Variants in KCNH7 observed in about 807,000 individuals in gnomAD.
KCNH7 encodes the protein voltage-gated inwardly rectifying potassium channel KCNH7.
In KCNH7, 49 loss-of-function variants were observed where a neutral mutation model predicts 120.8. The ratio of observed to expected loss-of-function variants is 0.41; its 90% CI spans 0.32 to 0.51. KCNH7 has a LOEUF of 0.51. Among genes scored for constraint, KCNH7 ranks in the 20% least tolerant of loss-of-function variants. The pLI, the probability that KCNH7 is intolerant of heterozygous loss-of-function variation, is 0.38. For synonymous variants in KCNH7, 547 were observed against 516.1 expected (o/e 1.06, Z -0.81); for missense variants, 1,097 against 1,446.6 (o/e 0.76, Z 3.92).
chr2:162,586,861 C>G (rs1429268721), intron 2 of KCNH7, among the ~76,000 whole-genome samples: 1 of 151,940 alleles, frequency 6.6e-6, no homozygotes, highest in African/African-American at 2.4e-5. Flanking sequence ...GTCAACTTTA[C>G]ATGTAAAGTT....
chr2:162,597,254 G>A (rs1694408249), intron 2 of KCNH7, among the ~76,000 whole-genome samples: 1 of 151,936 alleles, frequency 6.6e-6, no homozygotes, highest in Non-Finnish European at 1.5e-5. Context: ...CCATGTTCAT[G>A]GCAGCATTAT....
intron 2 of KCNH7, among the ~76,000 whole-genome samples, chr2:162,641,551 T>C (rs531540698): frequency 8.2e-5 from 12 of 145,564 alleles, no homozygotes; most frequent in African/African-American, 3.0e-4. Context: ...CTTCTCTGTA[T>C]TTAAAAAAAA....
chr2:162,628,584 C>T (rs1241901694), intron 2 of KCNH7, among the ~76,000 whole-genome samples: 1 of 152,058 alleles, frequency 6.6e-6, no homozygotes, highest in African/African-American at 2.4e-5. Context: ...CTGATCCTCT[C>T]CTTCATCCCA....
chr2:162,807,876 G>A (rs932644915), intron 2 of KCNH7, among the ~76,000 whole-genome samples: 3 of 152,002 alleles, frequency 2.0e-5, no homozygotes, highest in Admixed American at 1.3e-4. Context: ...AGAGACGGGT[G>A]TTTCACTATA....
chr2:162,715,973 T>C (rs936653063), intron 2 of KCNH7, among the ~76,000 whole-genome samples: 2 of 151,614 alleles, frequency 1.3e-5, no homozygotes, highest in Non-Finnish European at 2.9e-5. Flanking sequence ...TGTGTGTGTG[T>C]GTGTGCACAC....
chr2:162,596,598 C>G (rs1308615796), intron 2 of KCNH7, among the ~76,000 whole-genome samples: 1 of 152,014 alleles, frequency 6.6e-6, no homozygotes, highest in Non-Finnish European at 1.5e-5. Flanking sequence ...AAGCTATAAA[C>G]TTCTAGAAGA....
At chr2:162,651,635 G>A (rs1366710602) in intron 2 of KCNH7, among the ~76,000 whole-genome samples, 4 of 152,034 alleles carry the variant, frequency 2.6e-5, no homozygotes, top group Non-Finnish European at 5.9e-5. Context: ...CCATGTCTTT[G>A]CTATTGTGAA....
chr2:162,545,103 A>G (rs893083817), intron 2 of KCNH7, among the ~76,000 whole-genome samples: 2 of 152,144 alleles, frequency 1.3e-5, no homozygotes, highest in African/African-American at 2.4e-5. Context: ...CCTGTCCTGC[A>G]TTCATCTTTC....
chr2:162,569,123 C>T (rs1312660078), intron 2 of KCNH7, among the ~76,000 whole-genome samples: 1 of 152,000 alleles, frequency 6.6e-6, no homozygotes, highest in Non-Finnish European at 1.5e-5. Flanking sequence ...CCTCCTTGCA[C>T]CTCTGGTAGA....
chr2:162,797,088 G>C (rs541992092), intron 2 of KCNH7: 1 of 152,018 alleles, frequency 6.6e-6, no homozygotes, highest in African/African-American at 2.4e-5. Flanking sequence ...TTGTTGCAAG[G>C]CATAATTGGT....
At chr2:162,398,432 C>T (rs1686977734) in intron 10 of KCNH7, among the ~76,000 whole-genome samples, 1 of 151,700 alleles carries the variant, frequency 6.6e-6, no homozygotes, top group Non-Finnish European at 1.5e-5. Context: ...TATGTATCAG[C>T]CTTCCAAAAA....
intron 2 of KCNH7, among the ~76,000 whole-genome samples, chr2:162,609,822 G>A (rs563823562): frequency 1.6e-4 from 24 of 152,240 alleles, no homozygotes; most frequent in African/African-American, 5.3e-4. Flanking sequence ...GGAGGGGCAG[G>A]AAAAGGGTCT....
At chr2:162,530,208 A>G (rs1020960013) in intron 3 of KCNH7, among the ~76,000 whole-genome samples, 4 of 151,994 alleles carry the variant, frequency 2.6e-5, no homozygotes. Context: ...ATGTATCATA[A>G]TGCCTTTTTA....
intron 2 of KCNH7, among the ~76,000 whole-genome samples, chr2:162,811,120 C>T (rs767028410): frequency 3.3e-5 from 5 of 151,902 alleles, no homozygotes; most frequent in Non-Finnish European, 7.4e-5. Context: ...GTCTTATGTC[C>T]CTTTGCCCTC....
At chr2:162,536,107 T>C (rs1692098470) in intron 3 of KCNH7, among the ~76,000 whole-genome samples, 2 of 151,916 alleles carry the variant, frequency 1.3e-5, no homozygotes, top group Admixed American at 6.6e-5. Flanking sequence ...AAAGCTTTTC[T>C]AATTATGTCT....
intron 2 of KCNH7, among the ~76,000 whole-genome samples, chr2:162,545,366 C>A (rs1002511529): frequency 5.9e-5 from 9 of 152,146 alleles, no homozygotes; most frequent in Non-Finnish European, 1.5e-5. Context: ...TGGAATGTCA[C>A]TGGGAAACAC....
intron 2 of KCNH7, among the ~76,000 whole-genome samples, chr2:162,701,325 G>T (rs1686490267): frequency 6.6e-6 from 1 of 151,920 alleles, no homozygotes; most frequent in Non-Finnish European, 1.5e-5. Context: ...GTTACCTGAA[G>T]AATTATCATA....
intron 2 of KCNH7, among the ~76,000 whole-genome samples, chr2:162,626,812 A>C (rs1347197125): frequency 2.0e-5 from 3 of 152,182 alleles, no homozygotes; most frequent in Non-Finnish European, 4.4e-5. Flanking sequence ...AATTAGTTAA[A>C]AGGACGATTA....
intron 2 of KCNH7, among the ~76,000 whole-genome samples, chr2:162,542,097 T>C (rs1692326268): frequency 1.3e-5 from 2 of 151,998 alleles, no homozygotes; most frequent in South Asian, 2.1e-4. Flanking sequence ...TTAAAAGATA[T>C]AGGGTCTATT....
Sources: allele counts gnomAD v4.1 joint callset (sites outside exome capture counted in the v4.1 genomes callset), GRCh38; gene constraint gnomAD v4.1.1; transcripts MANE v1.5; gene names NCBI Gene and HGNC (gene_info 2026-07-23, HGNC 2026-07-21).